DNAH17: variants seen among roughly 807,000 people sequenced by gnomAD.
DNAH17 encodes the protein dynein axonemal heavy chain 17.
DNAH17 carries 376 observed loss-of-function variants against 485.6 expected under a neutral mutation model. The ratio of observed to expected loss-of-function variants is 0.77; its 90% CI spans 0.71 to 0.84. The LOEUF (loss-of-function observed/expected upper bound fraction) is 0.84, where lower values mean the gene tolerates loss of function less well. Ranked by LOEUF, DNAH17 falls within the 40% of genes least tolerant of loss-of-function variation. The pLI is 0.00. For synonymous variants in DNAH17, 3,031 were observed against 2,405.9 expected, an observed-to-expected ratio of 1.26 and a Z score of -7.60; for missense variants, 6,370 against 5,839.3, an observed-to-expected ratio of 1.09 and a Z score of -2.96.
At chr17:78,566,334 T>C (rs1250538818) in intron 11 of DNAH17, among the ~76,000 whole-genome samples, 2 of 152,222 alleles carry the variant, frequency 1.3e-5, no homozygotes, top group South Asian at 2.1e-4. Context: ...CAAGAATAAA[T>C]GGTCCCCTTG....
At chr17:78,485,163 G>A (rs1369010092) in intron 47 of DNAH17, 130 bp from the exon 48 acceptor site, 2 of 1,247,242 alleles carry the variant, frequency 1.6e-6, no homozygotes, top group East Asian at 2.6e-5. Flanking sequence ...TTTACCAAAG[G>A]TACCTGCCCT....
At position 78,553,275 on chromosome 17, in the gene DNAH17, GTT is replaced by G. The variant is rs2091943329; in HGVS notation, c.2179-472_2179-471del. Among the ~76,000 whole-genome samples, 5 of 98,404 alleles carry G rather than the reference GTT, an allele frequency of 5.1e-5. No homozygotes were observed. The South Asian group carries it at 1.7e-3, about 34-fold the overall frequency. 64.6% of individuals were successfully genotyped at this position (98,404 alleles called of 152,430 possible). A position where few individuals can be genotyped will look rare whatever the true frequency, so the allele number is the denominator to read the frequency against. On this transcript the variant is annotated intron_variant, in intron 14 of 80. Transcript: ENST00000389840. ...TTCTTTATAAATTACCCAGTCCCAGGTTTTTGTGTTTTTTTTTTTTTTTTTTT... is the reference window on the plus strand; with the variant it reads ...TTCTTTATAAATTACCCAGTCCCAGGTTTGTGTTTTTTTTTTTTTTTTTTT...
intron 51 of DNAH17, among the ~76,000 whole-genome samples, chr17:78,477,734 C>G (rs1427785145): frequency 1.3e-5 from 2 of 152,190 alleles, no homozygotes; most frequent in Non-Finnish European, 2.9e-5. Context: ...CAGCCACAAA[C>G]TCCTGCTCAG....
rs750938652 is a variant in DNAH17, at chr17:78,551,582, T to A, written c.2344A>T (p.Met782Leu). Residue 782 changes from methionine (M) to leucine (L), a missense_variant, in exon 16 of 81, where the codon ATG becomes TTG. By Grantham distance (15) the Met-to-Leu change is conservative. Coordinates refer to ENST00000389840, the MANE Select transcript of DNAH17 (RefSeq NM_173628.4). ...TCTATATTTTGTTTTGCCTTTTGCA[T>A]CCTGTTCTGCAAGTTGTGCAGAATT... ...REILHNLQNR[M>L]QKAKQNIEGI... is the part of the protein sequence containing the mutation. 5.6e-6 allele frequency: 9 copies of A among 1,614,064 alleles called. No individual in the cohort carries two copies. In the South Asian group the frequency reaches 9.9e-5, roughly 18 times the overall value.
At position 78,454,630 on chromosome 17, in the gene DNAH17, T is replaced by G; in HGVS notation, c.10246A>C (p.Asn3416His). ...TDDADVATWN[N>H]QGLPSDRMST... is the part of the protein sequence containing the mutation. ...ATGCGGTCGCTGGGGAGGCCCTGGT[T>G]GTTCCAGGTGGCCACGTCCGCGTCA... The change falls in exon 64 of 81, where the codon AAC becomes CAC. Residue 3416 changes from asparagine (N) to histidine (H), a missense_variant. Coordinates refer to ENST00000389840, the MANE Select transcript of DNAH17 (RefSeq NM_173628.4). The G allele has an allele frequency of 6.2e-7, 1 of 1,613,234 alleles. No individual in the cohort carries two copies. The highest frequency in any genetic ancestry group is 8.5e-7 in the Non-Finnish European group (1 of 1,179,880).
Position 78,567,077 on chromosome 17 carries a change from G to A in DNAH17, c.1374C>T (p.Thr458=). The A allele has an allele frequency of 6.2e-7, 1 of 1,613,538 alleles. No individual in the cohort carries two copies. Among genetic ancestry groups the A allele is most frequent in the Non-Finnish European group, 8.5e-7 (1 of 1,179,760 alleles). ...GCTCAAAGACCTCATCATAGATACG[G>A]GTCACCAGGCTCCCGAGGAGGTTCC... ...VRGNLLGSLV[T]RIYDEVFELV... The change falls in exon 10 of 81, where the codon ACC becomes ACT. Residue 458 remains threonine (T), a synonymous_variant. Transcript: ENST00000389840.
At chr17:78,544,136 G>C in intron 16 of DNAH17, 139 bp from the exon 17 acceptor site, 1 of 1,235,474 alleles carries the variant, frequency 8.1e-7, no homozygotes. Flanking sequence ...CACGATCCAT[G>C]CCCATCAGGG....
chr17:78,531,978 T>C (rs1257417819), intron 20 of DNAH17, among the ~76,000 whole-genome samples: 1 of 152,134 alleles, frequency 6.6e-6, no homozygotes, highest in Non-Finnish European at 1.5e-5. Context: ...GGGGGTGTGG[T>C]TTCATATGCA....
chr17:78,537,863 G>A (rs2143389660), intron 18 of DNAH17, among the ~76,000 whole-genome samples: 1 of 152,350 alleles, frequency 6.6e-6, no homozygotes, highest in South Asian at 2.1e-4. Flanking sequence ...TGTTGGCTAG[G>A]CGCAGTGGCT....
rs2090278726 is a variant in DNAH17 at position 78,501,275 on chromosome 17, A to T, written c.5392T>A (p.Cys1798Ser). ...TGGGCATCGCAGATGTTGGCAAAGC[A>T]GTGTCGCTTCTCTTCGTCCCAGCGA... The part of the protein sequence containing the change: ...RHRWDEEKRH[C>S]FANICDAQIQ... Residue 1798 changes from cysteine to serine, a missense_variant, in exon 35 of 81, where the codon TGC (cysteine) becomes AGC (serine). Coordinates refer to ENST00000389840, the MANE Select transcript of DNAH17 (RefSeq NM_173628.4). 6.2e-7 allele frequency: 1 copy of T among 1,608,866 alleles called. No individual in the cohort carries two copies. The highest frequency in any genetic ancestry group is 8.5e-7 in the Non-Finnish European group (1 of 1,175,770).
chr17:78,488,078 C>A (rs953910085), intron 44 of DNAH17, among the ~76,000 whole-genome samples: 3 of 152,172 alleles, frequency 2.0e-5, no homozygotes, highest in Non-Finnish European at 2.9e-5. Context: ...GAGGCTGCTG[C>A]TTTCTGCCTT....
At chr17:78,525,758 C>A (rs1423917822) in intron 24 of DNAH17, among the ~76,000 whole-genome samples, 1 of 152,250 alleles carries the variant, frequency 6.6e-6, no homozygotes, top group African/African-American at 2.4e-5. Flanking sequence ...TGGGGCACCC[C>A]TCACCCCAAA....
rs753334032 is a variant in DNAH17, at chr17:78,423,934, G to C, written c.13361C>G (p.Ala4454Gly). 36 of 1,613,868 alleles carry C rather than the reference G, an allele frequency of 2.2e-5. No homozygotes were observed. Among genetic ancestry groups the C allele is most frequent in the Admixed American group, 1.0e-4 (6 of 60,004 alleles). Residue 4454 changes from alanine (A) to glycine (G), a missense_variant, in exon 81 of 81, where the codon GCA becomes GGA. Transcript: ENST00000389840. Reference protein sequence around the residue: ...TKEKAAKWILAAVALLLQV With the variant: ...TKEKAAKWILGAVALLLQV ...AACCTGTAGGAGCAGCGCCACGGCT[G>C]CCAGGATCCACTTCGCTGCCTTCTC...
intron 54 of DNAH17, among the ~76,000 whole-genome samples, chr17:78,474,254 T>C (rs944652493): frequency 5.9e-5 from 9 of 152,244 alleles, no homozygotes; most frequent in African/African-American, 1.2e-4. Context: ...TCTGGCATCG[T>C]CCTGGCCCCA....
At chr17:78,567,987 T>C (rs2092295383) in intron 9 of DNAH17, among the ~76,000 whole-genome samples, 2 of 152,082 alleles carry the variant, frequency 1.3e-5, no homozygotes, top group South Asian at 4.1e-4. Flanking sequence ...CTGAGGTTGG[T>C]GCTATTCTCC....
chr17:78,544,134 A>G, intron 16 of DNAH17, 137 bp from the exon 17 acceptor site: 1 of 1,270,036 alleles, frequency 7.9e-7, no homozygotes, highest in East Asian at 2.5e-5. Context: ...TCCACGATCC[A>G]TGCCCATCAG....
chr17:78,480,867 CCCT>C (rs2089317626), intron 48 of DNAH17, 81 bp from the exon 49 acceptor site: 1 of 930,806 alleles, frequency 1.1e-6, no homozygotes, highest in Admixed American at 2.2e-5. Context: ...CCCAAGAATG[CCCT>C]CCTTATTATT....
chr17:78,514,791 G>A lies in DNAH17; in HGVS notation c.4096C>T (p.Leu1366Phe), dbSNP rs746464118. Residue 1366 changes from leucine (L) to phenylalanine (F), a missense_variant, in exon 26 of 81, where the codon CTC becomes TTC. Physicochemically the swap from Leu to Phe is conservative, Grantham distance 22. Coordinates refer to ENST00000389840, the MANE Select transcript of DNAH17 (RefSeq NM_173628.4). The part of the protein sequence containing the change: ...PAIRERHWQQ[L>F]MQATQVKFKM... The stretch of plus-strand genomic sequence containing the variant: ...CATGGTACCTGGGTGGCCTGCATGA[G>A]CTGCTGCCAGTGGCGTTCCCGAATG... 5 of 1,613,828 alleles carry A rather than the reference G, an allele frequency of 3.1e-6. No homozygotes were observed. In the Admixed American group the frequency reaches 5.0e-5, roughly 16 times the overall value.
chr17:78,565,233 G>C (rs1355325540), intron 11 of DNAH17, among the ~76,000 whole-genome samples: 2 of 152,186 alleles, frequency 1.3e-5, no homozygotes, highest in African/African-American at 2.4e-5. Context: ...CGTGAGTAAG[G>C]TCTGAATCAA....
Sources: gnomAD v4.1 joint callset for allele counts (sites outside exome capture counted in the v4.1 genomes callset) on GRCh38, gnomAD v4.1.1 for gene constraint, MANE v1.5 for transcripts, NCBI Gene and HGNC (gene_info 2026-07-23, HGNC 2026-07-21) for gene names.